The following DYM variants were observed in gnomAD, a reference collection of about 807,000 sequenced individuals.
DYM encodes the protein dyggve-Melchior-Clausen syndrome protein.
In DYM, 78 loss-of-function variants were observed where a neutral mutation model predicts 93.1. The observed-to-expected ratio is 0.84, with a 90% CI of 0.70 to 1.01. The LOEUF (loss-of-function observed/expected upper bound fraction) is 1.01. DYM is among the 50% of genes least tolerant of loss of function. DYM has a pLI of 0.00. For missense variants in DYM, 789 were observed against 845.0 expected (o/e 0.93, Z 0.82); for synonymous variants, 321 against 319.7 (o/e 1.00, Z -0.04).
intron 6 of DYM, among the ~76,000 whole-genome samples, chr18:49,348,293 G>A (rs1328313419): frequency 1.3e-5 from 2 of 152,126 alleles, no homozygotes; most frequent in Non-Finnish European, 2.9e-5. Flanking sequence ...ATGCCAACAT[G>A]GAGATTCTAG....
At chr18:49,456,021 A>AT (rs1256777451) in intron 1 of DYM, among the ~76,000 whole-genome samples, 2 of 151,840 alleles carry the variant, frequency 1.3e-5, no homozygotes, top group African/African-American at 4.8e-5. Context: ...ACAGAACTCC[A>AT]TTTTTTTGAC....
chr18:49,286,599 A>G lies in DYM; in HGVS notation c.781T>C (p.Phe261Leu), dbSNP rs770289755. 7 of 1,613,996 alleles carry G rather than the reference A, an allele frequency of 4.3e-6. No individual in the cohort carries two copies. In the East Asian group the frequency reaches 1.6e-4, roughly 36 times the overall value. ...SGVATGLWTVFTLGGVGSKAA... is the reference protein window; with the variant it reads ...SGVATGLWTVLTLGGVGSKAA... ...TTGCTGCCCACACCACCTAGTGTGAAGACAGTCCAGAGTCCTGCTGGGGAG... is the reference window on the plus strand; with the variant it reads ...TTGCTGCCCACACCACCTAGTGTGAGGACAGTCCAGAGTCCTGCTGGGGAG... Residue 261 changes from phenylalanine to leucine, a missense_variant, in exon 9 of 18, where the codon TTC becomes CTC. Physicochemically the swap from Phe to Leu is conservative, Grantham distance 22 (BLOSUM62 0). Transcript: ENST00000675505.
chr18:49,075,502 G>T (rs573931207), intron 17 of DYM, among the ~76,000 whole-genome samples: 1 of 152,220 alleles, frequency 6.6e-6, no homozygotes, highest in Non-Finnish European at 1.5e-5. Context: ...TGGAGCCAAG[G>T]AAATGTAGGG....
intron 15 of DYM, among the ~76,000 whole-genome samples, chr18:49,160,886 C>T (rs1038412389): frequency 3.9e-5 from 6 of 152,034 alleles, no homozygotes; most frequent in Non-Finnish European, 5.9e-5. Context: ...GAACATACAA[C>T]GGTGCTTATT....
intron 8 of DYM, among the ~76,000 whole-genome samples, chr18:49,318,853 T>G (rs1321701933): frequency 7.1e-6 from 1 of 140,900 alleles, no homozygotes; most frequent in African/African-American, 2.7e-5. Context: ...CAGGCTGGAG[T>G]GCAGTGGCAC....
chr18:49,080,434 G>A lies in DYM; in HGVS notation c.2025+16968C>T, dbSNP rs1453873721. On this transcript the variant is annotated intron_variant, in intron 17 of 17. Transcript: ENST00000675505. ...GACGGGGTGGCTGGCCCGGCAGAGGGGCTCCTCACTTCCCAGTAGGGGCGG... is the reference window on the plus strand; with the variant it reads ...GACGGGGTGGCTGGCCCGGCAGAGGAGCTCCTCACTTCCCAGTAGGGGCGG... Among the ~76,000 whole-genome samples, 16 of 131,126 alleles carry A rather than the reference G, an allele frequency of 1.2e-4. No individual in the cohort carries two copies. In the South Asian group the frequency reaches 1.9e-3, roughly 15 times the overall value. 86.0% of individuals were successfully genotyped at this position (131,126 alleles called of 152,430 possible).
At chr18:49,450,805 G>A (rs191358458) in intron 1 of DYM, among the ~76,000 whole-genome samples, 35 of 152,216 alleles carry the variant, frequency 2.3e-4, no homozygotes, top group Middle Eastern at 3.4e-3. Flanking sequence ...AACTTTTTCC[G>A]TCATGTTTTT....
At chr18:49,378,776 T>G in intron 4 of DYM, 76 bp from the exon 5 acceptor site, 1 of 1,522,000 alleles carries the variant, frequency 6.6e-7, no homozygotes, top group Non-Finnish European at 9.0e-7. Context: ...CATGATTTCT[T>G]CCTGATTTGA....
chr18:49,063,374 G>C (rs1225034738), intron 17 of DYM, among the ~76,000 whole-genome samples: 1 of 148,974 alleles, frequency 6.7e-6, no homozygotes, highest in Non-Finnish European at 1.5e-5. Flanking sequence ...TGGGAAATAA[G>C]TTATATTTTG....
chr18:49,242,786 G>A (rs968521461), intron 13 of DYM, among the ~76,000 whole-genome samples: 4 of 152,154 alleles, frequency 2.6e-5, no homozygotes, highest in East Asian at 1.9e-4. Flanking sequence ...TGCAAGCTCC[G>A]CCTCTGGGGT....
intron 10 of DYM, among the ~76,000 whole-genome samples, chr18:49,276,003 T>C (rs976713227): frequency 3.9e-5 from 6 of 152,186 alleles, no homozygotes; most frequent in Admixed American, 3.9e-4. Context: ...TATAAGATAA[T>C]GTCATCTGCA....
intron 8 of DYM, among the ~76,000 whole-genome samples, chr18:49,330,591 A>G (rs2063235855): frequency 6.6e-6 from 1 of 152,190 alleles, no homozygotes; most frequent in Non-Finnish European, 1.5e-5. Context: ...AAGTATTGCC[A>G]TTGTTTTGAA....
intron 15 of DYM, among the ~76,000 whole-genome samples, chr18:49,145,619 T>C (rs1270638228): frequency 6.6e-6 from 1 of 152,180 alleles, no homozygotes; most frequent in African/African-American, 2.4e-5. Context: ...CAGATACAAA[T>C]GAGTATCAAC....
chr18:49,092,307 T>C (rs2079120602), intron 17 of DYM, among the ~76,000 whole-genome samples: 1 of 152,200 alleles, frequency 6.6e-6, no homozygotes, highest in African/African-American at 2.4e-5. Flanking sequence ...CCCATCTGGA[T>C]TTCTCTTTCA....
chr18:49,097,368 C>T, intron 17 of DYM, 34 bp downstream of exon 17: 1 of 1,582,316 alleles, frequency 6.3e-7, no homozygotes, highest in Non-Finnish European at 8.7e-7. Flanking sequence ...AGGGACACGG[C>T]AGTGTCAAGT....
At chr18:49,083,477 GTC>G (rs2078232907) in intron 17 of DYM, among the ~76,000 whole-genome samples, 1 of 152,102 alleles carries the variant, frequency 6.6e-6, no homozygotes, top group Non-Finnish European at 1.5e-5. Context: ...TTCCTGTGAT[GTC>G]TCTGTCTGAT....
intron 3 of DYM, among the ~76,000 whole-genome samples, chr18:49,388,496 C>G (rs2068852478): frequency 6.6e-6 from 1 of 151,742 alleles, no homozygotes; most frequent in South Asian, 2.1e-4. Context: ...AGAAGTGTAA[C>G]AAGCGTCCCA....
intron 17 of DYM, among the ~76,000 whole-genome samples, chr18:49,091,581 C>T (rs779037286): frequency 1.1e-4 from 16 of 152,200 alleles, no homozygotes; most frequent in Middle Eastern, 3.4e-3. Flanking sequence ...GTTCACACAG[C>T]GGCTGATGTT....
chr18:49,204,238 A>G (rs1433215956), intron 14 of DYM, among the ~76,000 whole-genome samples: 1 of 152,238 alleles, frequency 6.6e-6, no homozygotes, highest in Admixed American at 6.5e-5. Context: ...TAAAAAGAGA[A>G]TATAATGTTT....
Sources: gnomAD v4.1 joint callset for allele counts (sites outside exome capture counted in the v4.1 genomes callset) on GRCh38, gnomAD v4.1.1 for gene constraint, MANE v1.5 for transcripts, NCBI Gene and HGNC (gene_info 2026-07-23, HGNC 2026-07-21) for gene names.